Variants in OXR1 observed in about 807,000 individuals in gnomAD.
OXR1 encodes oxidation resistance 1, also known as oxidation resistance protein 1.
Under a neutral mutation model 104.6 loss-of-function variants are expected in OXR1, and 41 were observed. The observed-to-expected ratio is 0.39, with a 90% CI of 0.31 to 0.51. The LOEUF is 0.51. OXR1 is among the 20% of genes least tolerant of loss of function. The pLI is 0.77. For synonymous variants in OXR1, 348 were observed against 348.4 expected (o/e 1.00, Z 0.01); for missense variants, 955 against 1,031.9 (o/e 0.93, Z 1.02).
intron 2 of OXR1, among the ~76,000 whole-genome samples, chr8:106,378,604 G>A (rs1473843681): frequency 6.6e-6 from 1 of 152,176 alleles, no homozygotes; most frequent in African/African-American, 2.4e-5. Flanking sequence ...CTGACACCCA[G>A]GTTCAAGTGA....
At chr8:106,400,065 GT>G (rs1333395181) in intron 2 of OXR1, among the ~76,000 whole-genome samples, 1 of 151,776 alleles carries the variant, frequency 6.6e-6, no homozygotes, top group Non-Finnish European at 1.5e-5. Context: ...GAAATTATTT[GT>G]GTTTTGCCCT....
intron 3 of OXR1, among the ~76,000 whole-genome samples, chr8:106,647,518 A>G (rs1280638768): frequency 6.6e-6 from 1 of 152,216 alleles, no homozygotes; most frequent in African/African-American, 2.4e-5. Flanking sequence ...AAAAGAGTCA[A>G]TTTTAAGGGT....
chr8:106,599,256 G>A (rs1038640111), intron 3 of OXR1, among the ~76,000 whole-genome samples: 4 of 152,110 alleles, frequency 2.6e-5, no homozygotes, highest in African/African-American at 7.2e-5. Flanking sequence ...CACCTCAGAT[G>A]GTGAAAACTG....
At chr8:106,289,868 A>T (rs1258093964) in intron 1 of OXR1, among the ~76,000 whole-genome samples, 2 of 152,130 alleles carry the variant, frequency 1.3e-5, no homozygotes, top group African/African-American at 4.8e-5. Flanking sequence ...TTCTCATGAT[A>T]GTGAGTGAGT....
chr8:106,544,588 A>C (rs1347258363), intron 3 of OXR1, among the ~76,000 whole-genome samples: 1 of 152,182 alleles, frequency 6.6e-6, no homozygotes, highest in Non-Finnish European at 1.5e-5. Context: ...TTTTTGACTG[A>C]CATAGCACTA....
At chr8:106,619,770 C>T (rs1409142405) in intron 3 of OXR1, among the ~76,000 whole-genome samples, 1 of 152,122 alleles carries the variant, frequency 6.6e-6, no homozygotes, top group African/African-American at 2.4e-5. Flanking sequence ...ATTTCATATA[C>T]AGGACAGCAT....
At chr8:106,347,087 T>G (rs376142334) in intron 1 of OXR1, among the ~76,000 whole-genome samples, 17 of 152,186 alleles carry the variant, frequency 1.1e-4, no homozygotes, top group South Asian at 8.3e-4. Flanking sequence ...TGTTCGATTT[T>G]AATTAAGCAT....
intron 2 of OXR1, among the ~76,000 whole-genome samples, chr8:106,380,998 G>A (rs1817124655): frequency 6.6e-6 from 1 of 152,070 alleles, no homozygotes; most frequent in African/African-American, 2.4e-5. Context: ...GTAGCAGTGG[G>A]CATTAGTACG....
In OXR1 at chr8:106,436,590, G is replaced by A. The variant is rs1346851107; in HGVS notation, c.23+76954G>A. Reference sequence around the variant, plus strand: ...CAATTTCAAGTGACAGAAAACCTAAGTTTTAATGGTTTAATGGTTCATATA... The same window carrying A: ...CAATTTCAAGTGACAGAAAACCTAAATTTTAATGGTTTAATGGTTCATATA... On this transcript the variant is annotated intron_variant, in intron 2 of 16. Transcript: ENST00000517566. Among the ~76,000 whole-genome samples, 5 of 152,118 alleles carry A rather than the reference G, an allele frequency of 3.3e-5. No homozygotes were observed. The East Asian group carries it at 9.7e-4, about 29-fold the overall frequency.
At chr8:106,593,633 C>T (rs547810710) in intron 3 of OXR1, among the ~76,000 whole-genome samples, 3 of 152,036 alleles carry the variant, frequency 2.0e-5, no homozygotes, top group African/African-American at 4.8e-5. Flanking sequence ...AAAAATTAGC[C>T]GGGTGTGGTG....
At chr8:106,732,216 T>C (rs763923473) in intron 11 of OXR1, among the ~76,000 whole-genome samples, 49 of 152,282 alleles carry the variant, frequency 3.2e-4, no homozygotes, top group Non-Finnish European at 5.4e-4. Flanking sequence ...TTTTGCATAT[T>C]AATCTTGCAC....
chr8:106,682,178 TTCTA>T (rs1320097438), intron 4 of OXR1, among the ~76,000 whole-genome samples: 6 of 152,198 alleles, frequency 3.9e-5, no homozygotes, highest in East Asian at 3.9e-4. Context: ...GCATAACCTT[TTCTA>T]TCTTAGTTTC....
chr8:106,287,328 G>A (rs971408497), intron 1 of OXR1, among the ~76,000 whole-genome samples: 12 of 152,062 alleles, frequency 7.9e-5, no homozygotes, highest in South Asian at 2.1e-4. Context: ...CTTGTCCTGT[G>A]GATAATAATT....
intron 3 of OXR1, among the ~76,000 whole-genome samples, chr8:106,588,629 G>A (rs1563625565): frequency 6.6e-6 from 1 of 151,724 alleles, no homozygotes; most frequent in Non-Finnish European, 1.5e-5. Context: ...CTGGGAACAG[G>A]CATCCACTGT....
chr8:106,318,284 A>G (rs1814061834), intron 1 of OXR1, among the ~76,000 whole-genome samples: 1 of 152,234 alleles, frequency 6.6e-6, no homozygotes, highest in African/African-American at 2.4e-5. Flanking sequence ...TAAAATCCAA[A>G]ACAATATGCT....
intron 1 of OXR1, among the ~76,000 whole-genome samples, chr8:106,310,532 T>C (rs1463275113): frequency 6.6e-6 from 1 of 152,204 alleles, no homozygotes; most frequent in Non-Finnish European, 1.5e-5. Context: ...TCTTCCTTTT[T>C]CTTAGTTTTC....
intron 1 of OXR1, among the ~76,000 whole-genome samples, chr8:106,305,696 C>T (rs1054559748): frequency 6.6e-6 from 1 of 152,124 alleles, no homozygotes; most frequent in Non-Finnish European, 1.5e-5. Flanking sequence ...GCCACTGTTC[C>T]CTTTGATTTC....
intron 2 of OXR1, among the ~76,000 whole-genome samples, chr8:106,472,183 G>A (rs1328794987): frequency 2.0e-5 from 3 of 151,704 alleles, no homozygotes; most frequent in South Asian, 2.1e-4. Flanking sequence ...TCCACATCAC[G>A]GGATTCAGGA....
chr8:106,647,405 G>A (rs1205033002), intron 3 of OXR1, among the ~76,000 whole-genome samples: 2 of 152,060 alleles, frequency 1.3e-5, no homozygotes, highest in Non-Finnish European at 2.9e-5. Context: ...CTTCCTCTTT[G>A]TGGTCATTTG....
Sources: gnomAD v4.1 joint callset for allele counts (sites outside exome capture counted in the v4.1 genomes callset) on GRCh38, gnomAD v4.1.1 for gene constraint, MANE v1.5 for transcripts, NCBI Gene and HGNC (gene_info 2026-07-23, HGNC 2026-07-21) for gene names.